The following DSG2 variants were observed in gnomAD, a reference collection of about 807,000 sequenced individuals.
The protein encoded by DSG2 is desmoglein-2.
Under a neutral mutation model 75.6 loss-of-function variants are expected in DSG2, and 45 were observed. The ratio of observed to expected loss-of-function variants is 0.60; its 90% CI spans 0.47 to 0.76. The LOEUF (loss-of-function observed/expected upper bound fraction) is 0.76. Ranked by LOEUF, DSG2 falls within the 30% of genes least tolerant of loss-of-function variation. The pLI is 0.00. For synonymous variants in DSG2, 429 were observed against 483.9 expected (o/e 0.89, Z 1.49); for missense variants, 1,267 against 1,357.4 (o/e 0.93, Z 1.05).
intron 14 of DSG2, among the ~76,000 whole-genome samples, chr18:31,544,091 A>G (rs1322033716): frequency 6.6e-6 from 1 of 152,190 alleles, no homozygotes; most frequent in African/African-American, 2.4e-5. Flanking sequence ...GGAGAGTTCA[A>G]CCTGATCTAT....
At chr18:31,543,108 G>A (rs2073281233) in intron 14 of DSG2, 2 of 373,560 alleles carry the variant, frequency 5.4e-6, no homozygotes, top group Non-Finnish European at 4.8e-6. Flanking sequence ...TTACAGTTAT[G>A]TTTTTGCCAG....
At chr18:31,519,331 C>T (rs900532532) in intron 2 of DSG2, among the ~76,000 whole-genome samples, 1 of 152,094 alleles carries the variant, frequency 6.6e-6, no homozygotes, top group Admixed American at 6.6e-5. Flanking sequence ...CTGAGGCGGG[C>T]GGATTGCTTG....
At chr18:31,508,672 G>A (rs1359923649) in intron 1 of DSG2, among the ~76,000 whole-genome samples, 1 of 152,160 alleles carries the variant, frequency 6.6e-6, no homozygotes, top group African/African-American at 2.4e-5. Flanking sequence ...GGGATTACAG[G>A]TGTGAGCTTA....
chr18:31,546,110 T>C lies in DSG2; in HGVS notation c.2724T>C (p.Thr908=). The C allele has an allele frequency of 6.2e-7, 1 of 1,614,224 alleles. No individual in the cohort carries two copies. Among genetic ancestry groups the C allele is most frequent in the Non-Finnish European group, 8.5e-7 (1 of 1,180,048 alleles). Reference sequence around the variant, plus strand: ...AGAAAGTAACTCAGGAAATAGTCACTGAAAGATCTGTGTCTTCTAGGCAGG... The same window carrying C: ...AGAAAGTAACTCAGGAAATAGTCACCGAAAGATCTGTGTCTTCTAGGCAGG... The part of the protein sequence containing the change: ...NAEKVTQEIV[T]ERSVSSRQAQ... Residue 908 remains threonine, a synonymous_variant, in exon 15 of 15, where the codon ACT becomes ACC. Coordinates refer to ENST00000261590, the MANE Select transcript of DSG2 (RefSeq NM_001943.5).
chr18:31,524,640 T>TA, intron 7 of DSG2, 55 bp downstream of exon 7: 4 of 1,602,838 alleles, frequency 2.5e-6, no homozygotes, highest in Non-Finnish European at 2.6e-6. Context: ...CAGTCCTAAT[T>TA]AAAAATATAT....
At chr18:31,512,279 C>G (rs575211608) in intron 1 of DSG2, among the ~76,000 whole-genome samples, 1 of 152,306 alleles carries the variant, frequency 6.6e-6, no homozygotes, top group East Asian at 1.9e-4. Flanking sequence ...CCCAGGTGTT[C>G]CGGGTCAAAA....
chr18:31,510,422 C>A (rs1415482644), intron 1 of DSG2, among the ~76,000 whole-genome samples: 1 of 152,160 alleles, frequency 6.6e-6, no homozygotes, highest in Non-Finnish European at 1.5e-5. Flanking sequence ...TGACAGAGAA[C>A]CTGTCAGCCA....
In DSG2 at chr18:31,538,766, T is replaced by C; in HGVS notation, c.1667T>C (p.Leu556Pro). Reference sequence around the variant, plus strand: ...AACCTTGTAGGTACCAGTGTGCTGCTGCAACAAAGTGAGAAAAAGCTTGGG... The same window carrying C: ...AACCTTGTAGGTACCAGTGTGCTGCCGCAACAAAGTGAGAAAAAGCTTGGG... ...IARQESTSVL[L>P]QQSEKKLGRS... The change falls in exon 12 of 15, where the codon CTG becomes CCG. Residue 556 changes from leucine to proline, a missense_variant. By Grantham distance (98) the Leu-to-Pro change is moderately conservative (BLOSUM62 -3). Coordinates refer to ENST00000261590, the MANE Select transcript of DSG2 (RefSeq NM_001943.5). The C allele has an allele frequency of 6.2e-7, 1 of 1,614,236 alleles. No homozygotes were observed. Among genetic ancestry groups the C allele is most frequent in the South Asian group, 1.1e-5 (1 of 91,090 alleles).
rs530011873 is a variant in DSG2, at chr18:31,528,652, G to A, written c.1015-2335G>A. Among the ~76,000 whole-genome samples the A allele has an allele frequency of 6.7e-5, 10 of 150,084 alleles. 1 individual carries two copies. In the East Asian group the frequency reaches 2.0e-3, roughly 29 times the overall value. ...CTGAACCCGGGAGGCAGAGGTTGCT[G>A]TGAGCCAGCATCACGTCACTTCATC... On this transcript the variant is annotated intron_variant, in intron 8 of 14. Transcript: ENST00000261590.
intron 8 of DSG2, among the ~76,000 whole-genome samples, chr18:31,525,663 T>C (rs2073158920): frequency 6.6e-6 from 1 of 152,190 alleles, no homozygotes; most frequent in Admixed American, 6.5e-5. Context: ...GTTCCTGGTC[T>C]CATCAACAAA....
rs201005720 is a variant in DSG2, at chr18:31,524,715, G to A, written c.841G>A (p.Val281Ile). The change falls in exon 8 of 15, where the codon GTT becomes ATT. Residue 281 changes from valine to isoleucine, a missense_variant. Coordinates refer to ENST00000261590, the MANE Select transcript of DSG2 (RefSeq NM_001943.5). ...TCATGTTTTGCAGCTTGAAGGGATG[G>A]TTGAAGAAAATCAAGTCAACGTAGA... The part of the protein sequence containing the change: ...VVENKVLEGM[V>I]EENQVNVEVT... 8 of 1,614,138 alleles carry A rather than the reference G, an allele frequency of 5.0e-6. No individual in the cohort carries two copies. In the South Asian group the frequency reaches 6.6e-5, roughly 13 times the overall value.
intron 9 of DSG2, among the ~76,000 whole-genome samples, chr18:31,534,035 G>T (rs1406522840): frequency 1.4e-5 from 2 of 142,006 alleles, no homozygotes; most frequent in Non-Finnish European, 3.0e-5. Flanking sequence ...CTGTCACTCA[G>T]GCTGGAGTGC....
At chr18:31,533,682 T>C (rs957368424) in intron 9 of DSG2, among the ~76,000 whole-genome samples, 1 of 152,220 alleles carries the variant, frequency 6.6e-6, no homozygotes, top group Admixed American at 6.5e-5. Context: ...CAGCAACTTA[T>C]GTCTAAGCTT....
chr18:31,498,965 G>T (rs1359890686), intron 1 of DSG2, among the ~76,000 whole-genome samples: 2 of 152,020 alleles, frequency 1.3e-5, no homozygotes, highest in African/African-American at 4.8e-5. Flanking sequence ...CATTTAAAAG[G>T]TTACAGAAAA....
chr18:31,503,581 A>T (rs1225085642), intron 1 of DSG2, among the ~76,000 whole-genome samples: 1 of 152,228 alleles, frequency 6.6e-6, no homozygotes, highest in East Asian at 1.9e-4. Context: ...TCACATCACT[A>T]AGTAAATGAA....
chr18:31,524,995 C>CA, intron 8 of DSG2, 107 bp downstream of exon 8: 1 of 1,053,246 alleles, frequency 9.5e-7, no homozygotes, highest in South Asian at 1.3e-5. Context: ...ATTCAATTAA[C>CA]TAGCACTACA....
Position 31,538,878 on chromosome 18 carries a change from T to A in DSG2, c.1779T>A (p.Cys593Ter). Residue 593 changes from cysteine to a stop codon, truncating the protein, a stop_gained, in exon 12 of 15, where the codon TGT becomes TGA. Transcript: ENST00000261590. LOFTEE classifies it high-confidence loss of function. ...TCCTTACACTCACAGTTTGTGAGTG[T>A]CTGCATGGCAGCGGCTGCAGGGAAG... ...KQVLTLTVCE[C>*]LHGSGCREAQ... 6.2e-7 allele frequency: 1 copy of A among 1,614,178 alleles called. No homozygotes were observed. The highest frequency in any genetic ancestry group is 1.1e-5 in the South Asian group (1 of 91,086).
At position 31,546,540 on chromosome 18, in the gene DSG2, G is replaced by A. The variant is rs2073312462; in HGVS notation, c.3154G>A (p.Ala1052Thr). Residue 1052 changes from alanine (A) to threonine (T), a missense_variant, in exon 15 of 15, where the codon GCA becomes ACA. Physicochemically the swap from Ala to Thr is moderately conservative, Grantham distance 58 (BLOSUM62 0). Transcript: ENST00000261590. Reference sequence around the variant, plus strand: ...TGTGACAGTGACAGAAAGAGTTCTAGCACCTGCTTCCACTCTGCAATCCAG... The same window carrying A: ...TGTGACAGTGACAGAAAGAGTTCTAACACCTGCTTCCACTCTGCAATCCAG... ...QNVTVTERVL[A>T]PASTLQSSYQ... The A allele has an allele frequency of 1.9e-6, 3 of 1,614,152 alleles. No homozygotes were observed. Among genetic ancestry groups the A allele is most frequent in the African/African-American group, 1.3e-5 (1 of 75,042 alleles).
chr18:31,531,780 A>G (rs566406464), intron 9 of DSG2, among the ~76,000 whole-genome samples: 10 of 152,210 alleles, frequency 6.6e-5, no homozygotes, highest in Non-Finnish European at 1.2e-4. Context: ...GGTGACCTTT[A>G]CTCAGAGTAC....
Sources: gnomAD v4.1 joint callset for allele counts (sites outside exome capture counted in the v4.1 genomes callset) on GRCh38, gnomAD v4.1.1 for gene constraint, MANE v1.5 for transcripts, NCBI Gene and HGNC (gene_info 2026-07-23, HGNC 2026-07-21) for gene names.